Variants in PSEN1 observed in about 807,000 individuals in gnomAD.
PSEN1 encodes the protein presenilin-1.
PSEN1 carries 15 observed loss-of-function variants against 53.5 expected under a neutral mutation model. That is an observed-to-expected ratio of 0.28 (90% CI 0.19 to 0.43). The LOEUF (loss-of-function observed/expected upper bound fraction) is 0.43. Ranked by LOEUF, PSEN1 falls within the 20% of genes least tolerant of loss-of-function variation. The probability of loss-of-function intolerance (pLI) is 1.00; values close to 1 mark genes in which losing one functional copy is unlikely to be tolerated. For missense variants in PSEN1, 387 were observed against 571.2 expected (o/e 0.68, Z 3.29); for synonymous variants, 208 against 209.8 (o/e 0.99, Z 0.08).
chr14:73,141,679 G>A (rs539531000), intron 1 of PSEN1, among the ~76,000 whole-genome samples: 293 of 152,264 alleles, frequency 1.9e-3, no homozygotes, highest in African/African-American at 7.0e-3. Flanking sequence ...TAGCTACTCA[G>A]GAGGCTGAGG....
At chr14:73,154,131 C>T (rs180878265) in intron 3 of PSEN1, among the ~76,000 whole-genome samples, 1 of 152,266 alleles carries the variant, frequency 6.6e-6, no homozygotes, top group East Asian at 1.9e-4. Flanking sequence ...TAACTGCTTA[C>T]ATGCGTGCAT....
intron 1 of PSEN1, among the ~76,000 whole-genome samples, chr14:73,137,896 C>T (rs1001840430): frequency 6.6e-6 from 1 of 151,932 alleles, no homozygotes; most frequent in Non-Finnish European, 1.5e-5. Context: ...GACAACACGG[C>T]GAAACCCCGG....
chr14:73,215,581 T>C (rs1899880399), intron 10 of PSEN1, among the ~76,000 whole-genome samples: 2 of 150,330 alleles, frequency 1.3e-5, no homozygotes. Context: ...TGAGAGAAAA[T>C]ATATGCAAAT....
chr14:73,137,117 C>G (rs1896769243), intron 1 of PSEN1: 1 of 152,690 alleles, frequency 6.5e-6, no homozygotes, highest in Non-Finnish European at 1.5e-5. Context: ...CTGCTGCTTC[C>G]CTCTCAGATT....
intron 9 of PSEN1, among the ~76,000 whole-genome samples, chr14:73,211,167 G>A (rs1197016220): frequency 6.6e-6 from 1 of 152,222 alleles, no homozygotes; most frequent in Non-Finnish European, 1.5e-5. Context: ...GGCCTGAGGT[G>A]TAGGCATTTG....
intron 9 of PSEN1, among the ~76,000 whole-genome samples, chr14:73,211,498 G>T (rs138119474): frequency 6.6e-6 from 1 of 152,300 alleles, no homozygotes; most frequent in African/African-American, 2.4e-5. Flanking sequence ...GGCTTGGTGG[G>T]ATTACCGTGC....
intron 3 of PSEN1, among the ~76,000 whole-genome samples, chr14:73,163,884 T>C (rs1897630344): frequency 6.6e-6 from 1 of 152,158 alleles, no homozygotes; most frequent in South Asian, 2.1e-4. Context: ...CAAGAAGCCA[T>C]TGTAATCGAG....
chr14:73,179,686 A>G (rs1898149499), intron 5 of PSEN1, among the ~76,000 whole-genome samples: 1 of 152,224 alleles, frequency 6.6e-6, no homozygotes, highest in East Asian at 1.9e-4. Context: ...CTGATCCTCA[A>G]GCCAGAACTA....
At chr14:73,206,702 A>C (rs1899469558) in intron 9 of PSEN1, among the ~76,000 whole-genome samples, 1 of 152,200 alleles carries the variant, frequency 6.6e-6, no homozygotes. Context: ...CATTAAATAC[A>C]GAATACCAGC....
chr14:73,153,320 A>C (rs753243035), intron 3 of PSEN1, among the ~76,000 whole-genome samples: 6 of 152,208 alleles, frequency 3.9e-5, no homozygotes, highest in Non-Finnish European at 8.8e-5. Flanking sequence ...AATATTAATA[A>C]TATGTTAAGA....
At chr14:73,163,067 A>T (rs933210063) in intron 3 of PSEN1, among the ~76,000 whole-genome samples, 8 of 152,152 alleles carry the variant, frequency 5.3e-5, no homozygotes, top group Non-Finnish European at 1.2e-4. Flanking sequence ...GTAGATTCTT[A>T]TGTCACATTT....
chr14:73,189,630 A>C (rs1898643474), intron 6 of PSEN1: 1 of 153,866 alleles, frequency 6.5e-6, no homozygotes, highest in South Asian at 1.9e-4. Flanking sequence ...TAAAGTGAAA[A>C]CACAAATCAA....
At chr14:73,167,399 C>T (rs1206457900) in intron 3 of PSEN1, among the ~76,000 whole-genome samples, 2 of 152,100 alleles carry the variant, frequency 1.3e-5, no homozygotes, top group African/African-American at 4.8e-5. Flanking sequence ...GTATGTTCAA[C>T]CTGTAAGTAT....
At chr14:73,204,132 G>A (rs533545267) in intron 8 of PSEN1, among the ~76,000 whole-genome samples, 5 of 152,014 alleles carry the variant, frequency 3.3e-5, no homozygotes, top group South Asian at 2.1e-4. Context: ...CCGAGTCGCC[G>A]GGATTATAGA....
rs63751003 is a variant in PSEN1 at position 73,192,735 on chromosome 14, C to G, written c.640C>G (p.His214Asp). ...NFGVVGMISI[H>D]WKGPLRLQQA... ...TGGTGTGGTGGGAATGATTTCCATT[C>G]ACTGGAAAGGTCCACTTCGACTCCA... is the stretch of plus-strand genomic sequence containing the variant. Residue 214 changes from histidine (H) to aspartate (D), a missense_variant, in exon 7 of 12, where the codon CAC becomes GAC. His to Asp is a moderately conservative substitution (Grantham distance 81). Around this residue, in one of 4 missense-constraint regions of PSEN1, gnomAD observed 169 missense variants for 299.7 expected, o/e 0.56. Transcript: ENST00000324501. 6.2e-7 allele frequency: 1 copy of G among 1,613,776 alleles called. No individual in the cohort carries two copies. Among genetic ancestry groups the G allele is most frequent in the Non-Finnish European group, 8.5e-7 (1 of 1,179,728 alleles).
chr14:73,164,852 T>G (rs1039166255), intron 3 of PSEN1, among the ~76,000 whole-genome samples: 1 of 151,706 alleles, frequency 6.6e-6, no homozygotes, highest in African/African-American at 2.4e-5. Flanking sequence ...GGAACTTGCT[T>G]CTTTTATTTT....
intron 3 of PSEN1, 137 bp downstream of exon 3, chr14:73,148,243 G>A (rs1028729269): frequency 1.2e-5 from 9 of 751,950 alleles, no homozygotes; most frequent in African/African-American, 6.9e-5. Context: ...GTGAACTTCA[G>A]CTGATTGCTG....
chr14:73,204,190 G>T (rs1018533210), intron 8 of PSEN1, among the ~76,000 whole-genome samples: 2 of 151,546 alleles, frequency 1.3e-5, no homozygotes, highest in Non-Finnish European at 2.9e-5. Context: ...TAGAGACAGG[G>T]TTTCTCCATG....
intron 7 of PSEN1, among the ~76,000 whole-genome samples, chr14:73,197,370 C>T (rs1898999095): frequency 6.6e-6 from 1 of 152,174 alleles, no homozygotes; most frequent in East Asian, 1.9e-4. Context: ...CTTTTCAGCA[C>T]CACATACATA....
Sources: allele counts gnomAD v4.1 joint callset (sites outside exome capture counted in the v4.1 genomes callset), GRCh38; gene constraint gnomAD v4.1.1; regional missense constraint gnomAD v4.1.1; transcripts MANE v1.5; gene names NCBI Gene and HGNC (gene_info 2026-07-23, HGNC 2026-07-21).